GPR55: variants seen among roughly 807,000 people sequenced by gnomAD.
GPR55 encodes G-protein coupled receptor 55.
A neutral mutation model predicts 7.9 loss-of-function variants in GPR55; 6 were observed. The observed-to-expected ratio is 0.76, with a 90% CI of 0.41 to 1.49. The LOEUF is 1.49. Ranked by LOEUF, GPR55 falls within the 40% of genes most tolerant of loss-of-function variation. The pLI is 0.01. For missense variants in GPR55, 376 were observed against 406.0 expected (o/e 0.93, Z 0.63); for synonymous variants, 183 against 166.8 (o/e 1.10, Z -0.75).
upstream of GPR55, among the ~76,000 whole-genome samples, chr2:230,928,248 G>A (rs537802115): frequency 5.9e-5 from 9 of 152,314 alleles, no homozygotes; most frequent in South Asian, 2.1e-4. Flanking sequence ...CAGGGGTTGG[G>A]TTGGGATGAG....
At chr2:230,956,890 A>G (rs1378865074) in intron 1 of GPR55, among the ~76,000 whole-genome samples, 3 of 150,248 alleles carry the variant, frequency 2.0e-5, no homozygotes, top group Admixed American at 6.6e-5. Context: ...TATTTGCCTA[A>G]TTACTGCCTC....
chr2:230,909,820 C>A lies in GPR55; in HGVS notation c.*183G>T, dbSNP rs1690542764. ...CTGAACACTGGGTGGTATAAGCTGTCTGGGCAGTGGAAAAAAGGTCTTTGG... is the reference window on the plus strand; with the variant it reads ...CTGAACACTGGGTGGTATAAGCTGTATGGGCAGTGGAAAAAAGGTCTTTGG... On this transcript the variant is annotated 3_prime_UTR_variant, in exon 2 of 2. Transcript: ENST00000650999. The A allele has an allele frequency of 1.6e-6, 1 of 623,690 alleles. No individual in the cohort carries two copies. Among genetic ancestry groups the A allele is most frequent in the Middle Eastern group, 4.4e-4 (1 of 2,260 alleles). The allele number at this position is 623,690 out of a possible 1,614,324, so 38.6% of individuals were successfully genotyped here. A position where few individuals can be genotyped will look rare whatever the true frequency, so the allele number is the denominator to read the frequency against.
At chr2:230,956,913 AG>A (rs1157648745) in intron 1 of GPR55, among the ~76,000 whole-genome samples, 3 of 145,782 alleles carry the variant, frequency 2.1e-5, no homozygotes, top group Non-Finnish European at 4.5e-5. Flanking sequence ...GATGTAATTC[AG>A]ATTAACCTTT....
At chr2:230,919,865 TTCTG>T (rs751280660) in intron 1 of GPR55, among the ~76,000 whole-genome samples, 17 of 152,166 alleles carry the variant, frequency 1.1e-4, no homozygotes, top group Non-Finnish European at 2.5e-4. Context: ...TGGAAAATTT[TTCTG>T]TCTGACTGTT....
intron 1 of GPR55, among the ~76,000 whole-genome samples, chr2:230,941,212 C>A (rs978158819): frequency 6.6e-6 from 1 of 152,200 alleles, no homozygotes; most frequent in Non-Finnish European, 1.5e-5. Flanking sequence ...CAGCACCCCA[C>A]AGGAGCCCAC....
intron 1 of GPR55, among the ~76,000 whole-genome samples, chr2:230,941,059 G>A (rs1691218891): frequency 1.3e-5 from 2 of 152,098 alleles, no homozygotes; most frequent in Non-Finnish European, 2.9e-5. Flanking sequence ...GGAGGTTGCA[G>A]TGAGCCAAGA....
chr2:230,945,150 A>G (rs1006960632), intron 1 of GPR55, among the ~76,000 whole-genome samples: 1 of 152,206 alleles, frequency 6.6e-6, no homozygotes, highest in Non-Finnish European at 1.5e-5. Context: ...GAAGACAGAC[A>G]GGCTAAGGTG....
chr2:230,914,985 C>A (rs1162260735), intron 1 of GPR55, among the ~76,000 whole-genome samples: 1 of 152,262 alleles, frequency 6.6e-6, no homozygotes, highest in Non-Finnish European at 1.5e-5. Context: ...GTGGGAAGGA[C>A]TTCAGACAGC....
intron 1 of GPR55, among the ~76,000 whole-genome samples, chr2:230,911,408 T>C (rs1690588693): frequency 6.6e-6 from 1 of 152,226 alleles, no homozygotes; most frequent in Admixed American, 6.5e-5. Flanking sequence ...ATTCAAATGC[T>C]GTTTCCAGGA....
chr2:230,936,959 G>T (rs536342025), intron 1 of GPR55, among the ~76,000 whole-genome samples: 1 of 152,326 alleles, frequency 6.6e-6, no homozygotes, highest in African/African-American at 2.4e-5. Flanking sequence ...ACCTGAGCCA[G>T]ATTTCCTATG....
At position 230,910,748 on chromosome 2, in the gene GPR55, A is replaced by T; in HGVS notation, c.215T>A (p.Leu72Gln). The T allele has an allele frequency of 6.2e-7, 1 of 1,614,112 alleles. No individual in the cohort carries two copies. The highest frequency in any genetic ancestry group is 2.2e-5 in the East Asian group (1 of 44,886). The change falls in exon 2 of 2, where the codon CTG becomes CAG. Residue 72 changes from leucine to glutamine, a missense_variant. Leu to Gln is a moderately radical substitution (Grantham distance 113). Transcript: ENST00000650999. This position sits in a 1 kb window ranked among gnomAD's most constrained non-coding sequence, Gnocchi z 5.4. ...YMINLAVFDLLLVLSLPFKMV... is the reference protein window; with the variant it reads ...YMINLAVFDLQLVLSLPFKMV... ...CTTGAATGGGAGGGAGAGCACCAGC[A>T]GCAGGTCAAAGACTGCCAGGTTGAT... is the stretch of plus-strand genomic sequence containing the variant.
intron 1 of GPR55, among the ~76,000 whole-genome samples, chr2:230,954,958 T>C (rs1691457818): frequency 6.6e-6 from 1 of 152,230 alleles, no homozygotes; most frequent in African/African-American, 2.4e-5. Context: ...TATAGTCTTC[T>C]AAGCAATCCT....
Position 230,910,690 on chromosome 2 carries a change from C to A in GPR55, c.273G>T (p.Pro91=), listed in dbSNP as rs370767476. The change falls in exon 2 of 2, where the codon CCG becomes CCT. Residue 91 remains proline, a synonymous_variant. Coordinates refer to ENST00000650999, the MANE Select transcript of GPR55 (RefSeq NM_005683.4). This position sits in a 1 kb window ranked among gnomAD's most constrained non-coding sequence, Gnocchi z 5.4. The part of the protein sequence containing the change: ...MVLSQVQSPF[P]SLCTLVECLY... ...GGCACTCCACCAGGGTGCACAGGGA[C>A]GGGAAGGGGGACTGTACCTGGGACA... 1 of 1,613,348 alleles carries A rather than the reference C, an allele frequency of 6.2e-7. No individual in the cohort carries two copies. Among genetic ancestry groups the A allele is most frequent in the South Asian group, 1.1e-5 (1 of 91,056 alleles).
At chr2:230,920,813 C>A (rs556338692) in intron 1 of GPR55, among the ~76,000 whole-genome samples, 9 of 151,900 alleles carry the variant, frequency 5.9e-5, no homozygotes, top group African/African-American at 2.2e-4. Context: ...TATAATATCA[C>A]AATATAGAAA....
rs905037708 is a variant in GPR55, at chr2:230,908,521, TTCC to T, written c.*1479_*1481del. 1.0e-4 allele frequency: 16 copies of T among 155,540 alleles called. No individual in the cohort carries two copies. Among genetic ancestry groups the T allele is most frequent in the African/African-American group, 2.2e-4 (9 of 41,536 alleles). The allele number at this position is 155,540 out of a possible 1,614,324, so 9.6% of individuals were successfully genotyped here. ...GCTTCCCCTCCTTTTCCTCTTCCTC[TTCC>T]TCCTCCTCCTCCCCACAGGTCCAGG... On this transcript the variant is annotated 3_prime_UTR_variant, in exon 2 of 2. Transcript: ENST00000650999.
chr2:230,921,452 C>T (rs899547211), intron 1 of GPR55, among the ~76,000 whole-genome samples: 2 of 152,316 alleles, frequency 1.3e-5, no homozygotes, highest in Non-Finnish European at 1.5e-5. Flanking sequence ...CATTCTCGGA[C>T]CACAAAGAAA....
intron 1 of GPR55, among the ~76,000 whole-genome samples, chr2:230,938,067 A>G (rs1375733295): frequency 6.7e-6 from 1 of 148,428 alleles, no homozygotes; most frequent in Non-Finnish European, 1.5e-5. Context: ...GGATCACTTA[A>G]GTACAGGAGA....
At position 230,924,853 on chromosome 2, in the gene GPR55, T is replaced by C. The variant is rs999989188; in HGVS notation, c.-135+315A>G. Among the ~76,000 whole-genome samples the C allele has an allele frequency of 1.3e-5, 2 of 152,026 alleles. No homozygotes were observed. The highest frequency in any genetic ancestry group is 2.9e-5 in the Non-Finnish European group (2 of 67,988). On this transcript the variant is annotated intron_variant, in intron 1 of 1. Transcript: ENST00000650999. This position sits in a 1 kb window ranked among gnomAD's most constrained non-coding sequence, Gnocchi z 4.5. ...CCCGGGAAGGCTCCCAGGCTGCCTATGGGGAGGTTTCCCGACCCGACATGA... is the reference window on the plus strand; with the variant it reads ...CCCGGGAAGGCTCCCAGGCTGCCTACGGGGAGGTTTCCCGACCCGACATGA...
chr2:230,937,526 G>A (rs1032466818), intron 1 of GPR55, among the ~76,000 whole-genome samples: 9 of 151,448 alleles, frequency 5.9e-5, no homozygotes, highest in African/African-American at 1.5e-4. Flanking sequence ...TCTTGTGATC[G>A]TGACTGGTGC....
Sources: allele counts gnomAD v4.1 joint callset (sites outside exome capture counted in the v4.1 genomes callset), GRCh38; gene constraint gnomAD v4.1.1; non-coding constraint Gnocchi (gnomAD v3.1); transcripts MANE v1.5; gene names NCBI Gene and HGNC (gene_info 2026-07-23, HGNC 2026-07-21).